The following GLRB variants were observed in gnomAD, a reference collection of about 807,000 sequenced individuals.
GLRB encodes glycine receptor beta, also known as glycine receptor subunit beta.
Under a neutral mutation model 54.2 loss-of-function variants are expected in GLRB, and 33 were observed. The observed-to-expected ratio is 0.61, with a 90% CI of 0.46 to 0.81. The LOEUF is 0.81. GLRB is among the 40% of genes least tolerant of loss of function. The pLI is 0.00. For missense variants in GLRB, 572 were observed against 584.6 expected (o/e 0.98, Z 0.22); for synonymous variants, 209 against 208.2 (o/e 1.00, Z -0.03).
At chr4:157,085,855 G>A (rs1734392212) in intron 2 of GLRB, among the ~76,000 whole-genome samples, 1 of 152,136 alleles carries the variant, frequency 6.6e-6, no homozygotes, top group Admixed American at 6.6e-5. Context: ...CTACCAGATG[G>A]TTCTTGAACT....
At chr4:157,121,862 A>T (rs1412611902) in intron 3 of GLRB, among the ~76,000 whole-genome samples, 1 of 151,728 alleles carries the variant, frequency 6.6e-6, no homozygotes, top group East Asian at 1.9e-4. Context: ...TTCATGAATT[A>T]AAAATTAAAA....
In GLRB at chr4:157,120,562, G is replaced by A; in HGVS notation, c.129G>A (p.Gln43=). 1 of 1,567,714 alleles carries A rather than the reference G, an allele frequency of 6.4e-7. No homozygotes were observed. The highest frequency in any genetic ancestry group is 8.8e-7 in the Non-Finnish European group (1 of 1,139,882). Residue 43 remains glutamine, a synonymous_variant, in exon 3 of 10, where the codon CAG becomes CAA. Coordinates refer to ENST00000264428, the MANE Select transcript of GLRB (RefSeq NM_000824.5). Reference sequence around the variant, plus strand: ...ATTTTTCTCTCTCTTATAGTCAGCAGTCAGCAGAGGACCTTGCCCGAGTAC... The same window carrying A: ...ATTTTTCTCTCTCTTATAGTCAGCAATCAGCAGAGGACCTTGCCCGAGTAC... ...KKKQYLCPSQ[Q]SAEDLARVPA...
At chr4:157,123,683 G>C (rs542827885) in intron 4 of GLRB, among the ~76,000 whole-genome samples, 1 of 151,644 alleles carries the variant, frequency 6.6e-6, no homozygotes, top group Non-Finnish European at 1.5e-5. Flanking sequence ...CTGAAAATGT[G>C]GTTAATCTGT....
chr4:157,162,025 C>G (rs775422083), intron 9 of GLRB, among the ~76,000 whole-genome samples: 8 of 152,124 alleles, frequency 5.3e-5, no homozygotes, highest in Non-Finnish European at 1.0e-4. Context: ...AGGCTTTGTT[C>G]ATTTGTTTTT....
chr4:157,151,550 A>G (rs981198432), intron 8 of GLRB, among the ~76,000 whole-genome samples: 1 of 152,148 alleles, frequency 6.6e-6, no homozygotes, highest in Non-Finnish European at 1.5e-5. Context: ...TATTGTTTTC[A>G]TCTGCAGAAG....
Position 157,087,323 on chromosome 4 carries a change from T to C in GLRB, c.122+9177T>C, listed in dbSNP as rs566834549. ...CAGAAAGAACACCACTGTATCTCCT[T>C]TAGCACTTTTGCTAATTGGCTGTAT... On this transcript the variant is annotated intron_variant, in intron 2 of 9. Transcript: ENST00000264428. Among the ~76,000 whole-genome samples, 233 of 152,272 alleles carry C rather than the reference T, an allele frequency of 1.5e-3. 1 individual carries two copies. Among genetic ancestry groups the C allele is most frequent in the African/African-American group, 5.3e-3 (221 of 41,580 alleles).
intron 4 of GLRB, among the ~76,000 whole-genome samples, chr4:157,134,940 A>T (rs1736347741): frequency 6.6e-6 from 1 of 152,184 alleles, no homozygotes; most frequent in Non-Finnish European, 1.5e-5. Context: ...TTTTCCAGTC[A>T]TATGAAGCAT....
At chr4:157,138,375 AT>A (rs1736485902) in intron 6 of GLRB, among the ~76,000 whole-genome samples, 2 of 152,128 alleles carry the variant, frequency 1.3e-5, no homozygotes, top group East Asian at 3.9e-4. Flanking sequence ...CACCAGGCCG[AT>A]TTCTTAAAAG....
chr4:157,100,498 A>G (rs2126478996), intron 2 of GLRB, among the ~76,000 whole-genome samples: 1 of 152,296 alleles, frequency 6.6e-6, no homozygotes, highest in Middle Eastern at 3.4e-3. Flanking sequence ...CTGAATGCCT[A>G]GTAGGGTATA....
At chr4:157,137,317 C>T (rs1736438952) in intron 6 of GLRB, among the ~76,000 whole-genome samples, 3 of 152,134 alleles carry the variant, frequency 2.0e-5, no homozygotes, top group East Asian at 3.9e-4. Context: ...GAAATGTAAA[C>T]AACTTTTTTA....
Position 157,170,793 on chromosome 4 carries a change from C to A in GLRB, c.*65C>A. On this transcript the variant is annotated 3_prime_UTR_variant, in exon 10 of 10. Coordinates refer to ENST00000264428, the MANE Select transcript of GLRB (RefSeq NM_000824.5). Reference sequence around the variant, plus strand: ...TTGTGACCTACTCCTTTCATAAATGCCAATCTGTGAGAACTTTTGAATTTT... The same window carrying A: ...TTGTGACCTACTCCTTTCATAAATGACAATCTGTGAGAACTTTTGAATTTT... The A allele has an allele frequency of 1.1e-6, 1 of 924,240 alleles. No homozygotes were observed. Among genetic ancestry groups the A allele is most frequent in the Non-Finnish European group, 1.6e-6 (1 of 626,998 alleles). 57.3% of individuals were successfully genotyped at this position (924,240 alleles called of 1,614,324 possible).
chr4:157,144,001 A>G, intron 8 of GLRB, 42 bp downstream of exon 8: 1 of 1,576,174 alleles, frequency 6.3e-7, no homozygotes, highest in South Asian at 1.1e-5. Context: ...GGAACAGATT[A>G]TATCTTTATC....
chr4:157,106,317 C>T (rs1375513541), intron 2 of GLRB, among the ~76,000 whole-genome samples: 1 of 152,090 alleles, frequency 6.6e-6, no homozygotes, highest in Non-Finnish European at 1.5e-5. Context: ...TAGCCTGATG[C>T]TTTCTCAATT....
At chr4:157,099,201 AG>A in intron 2 of GLRB, among the ~76,000 whole-genome samples, 1 of 152,174 alleles carries the variant, frequency 6.6e-6, no homozygotes, top group Middle Eastern at 3.4e-3. Context: ...ATTTACAGTA[AG>A]GTGCTTCCTG....
At chr4:157,098,428 T>G (rs539058130) in intron 2 of GLRB, among the ~76,000 whole-genome samples, 67 of 152,290 alleles carry the variant, frequency 4.4e-4, no homozygotes, top group African/African-American at 1.4e-3. Flanking sequence ...CAGAAAGGGC[T>G]TCTCTTTTAT....
intron 2 of GLRB, among the ~76,000 whole-genome samples, chr4:157,099,799 G>T (rs1490453697): frequency 1.3e-5 from 2 of 152,116 alleles, no homozygotes; most frequent in East Asian, 1.9e-4. Flanking sequence ...AGTCTCAGTT[G>T]TTCCACTTCC....
intron 4 of GLRB, among the ~76,000 whole-genome samples, chr4:157,126,932 T>C (rs1011604616): frequency 9.2e-5 from 14 of 152,020 alleles, no homozygotes; most frequent in African/African-American, 2.6e-4. Flanking sequence ...TGTAATTATA[T>C]TGAATTATTA....
At chr4:157,132,912 T>C (rs1736268203) in intron 4 of GLRB, among the ~76,000 whole-genome samples, 1 of 151,972 alleles carries the variant, frequency 6.6e-6, no homozygotes, top group East Asian at 1.9e-4. Flanking sequence ...GAAATCTGAA[T>C]AATAGTCTGA....
chr4:157,101,065 G>A (rs1178434415), intron 2 of GLRB, among the ~76,000 whole-genome samples: 1 of 152,096 alleles, frequency 6.6e-6, no homozygotes, highest in Non-Finnish European at 1.5e-5. Context: ...GTAGTTCTAA[G>A]TATGAATTCT....
Sources: gnomAD v4.1 joint callset for allele counts (sites outside exome capture counted in the v4.1 genomes callset) on GRCh38, gnomAD v4.1.1 for gene constraint, MANE v1.5 for transcripts, NCBI Gene and HGNC (gene_info 2026-07-23, HGNC 2026-07-21) for gene names.